The following C12orf42 variants were observed in gnomAD, a reference collection of about 807,000 sequenced individuals.
C12orf42 encodes chromosome 12 open reading frame 42.
C12orf42 carries 25 observed loss-of-function variants against 21.6 expected under a neutral mutation model. The observed-to-expected ratio is 1.16, with a 90% CI of 0.84 to 1.62. C12orf42 has a LOEUF of 1.62. Among genes scored for constraint, C12orf42 ranks in the 40% most tolerant of loss-of-function variants. C12orf42 has a pLI of 0.00. For synonymous variants in C12orf42, 174 were observed against 175.0 expected (o/e 0.99, Z 0.05); for missense variants, 483 against 459.3 (o/e 1.05, Z -0.47).
intron 2 of C12orf42, among the ~76,000 whole-genome samples, chr12:103,403,248 C>T (rs192399764): frequency 0.011 from 1,628 of 151,982 alleles, 11 homozygotes; most frequent in Non-Finnish European, 0.017. Context: ...TGGTGGCGGG[C>T]GCCTGTAGTC....
chr12:103,540,418 T>C, the C12orf42 span, among the ~76,000 whole-genome samples: 1 of 152,046 alleles, frequency 6.6e-6, no homozygotes, highest in Admixed American at 6.5e-5. Flanking sequence ...CCTAGTATGA[T>C]TGTAGATTTG....
intron 10 of C12orf42, among the ~76,000 whole-genome samples, chr12:103,255,033 A>ATTTATTTATTTATTTAT (rs1216771241): frequency 2.0e-5 from 3 of 152,122 alleles, no homozygotes; most frequent in Admixed American, 2.0e-4. Flanking sequence ...ATCAACTTTT[A>ATTTATTTATTTATTTAT]TTATCGTATT....
the C12orf42 span, among the ~76,000 whole-genome samples, chr12:103,063,001 C>T: frequency 3.3e-5 from 5 of 152,082 alleles, no homozygotes; most frequent in African/African-American, 9.7e-5. Context: ...CACTGATAGT[C>T]CTTGGCATGA....
intron 2 of C12orf42, among the ~76,000 whole-genome samples, chr12:103,435,497 C>A (rs1950623251): frequency 6.6e-6 from 1 of 152,070 alleles, no homozygotes; most frequent in African/African-American, 2.4e-5. Context: ...AAGTTGAAAA[C>A]TTTGAAAAAA....
intron 4 of C12orf42, 32 bp from the exon 5 acceptor site, chr12:103,306,377 T>A: frequency 6.5e-7 from 1 of 1,546,154 alleles, no homozygotes; most frequent in Non-Finnish European, 8.7e-7. Flanking sequence ...GTTTGAAAAA[T>A]TCACCAAAAA....
At chr12:103,144,332 G>A in the C12orf42 span, among the ~76,000 whole-genome samples, 5 of 152,176 alleles carry the variant, frequency 3.3e-5, no homozygotes, top group African/African-American at 1.2e-4. Flanking sequence ...GTAAAAGAGT[G>A]CATTTGTAGG....
At chr12:103,492,988 T>G (rs1218781058) in intron 1 of C12orf42, among the ~76,000 whole-genome samples, 5 of 152,186 alleles carry the variant, frequency 3.3e-5, no homozygotes, top group Admixed American at 2.6e-4. Flanking sequence ...AAATCCATCT[T>G]CATTTCCATT....
At chr12:103,121,015 C>A in the C12orf42 span, among the ~76,000 whole-genome samples, 1 of 151,992 alleles carries the variant, frequency 6.6e-6, no homozygotes, top group Non-Finnish European at 1.5e-5. Flanking sequence ...AATTTCTTGG[C>A]ACACCCAATC....
intron 2 of C12orf42, among the ~76,000 whole-genome samples, chr12:103,425,873 C>T (rs1333283540): frequency 6.6e-6 from 1 of 151,948 alleles, no homozygotes. Context: ...CCGTCCAGTT[C>T]CTACTTCCCA....
the C12orf42 span, among the ~76,000 whole-genome samples, chr12:103,090,134 A>G: frequency 6.6e-6 from 1 of 152,174 alleles, no homozygotes; most frequent in Non-Finnish European, 1.5e-5. Flanking sequence ...TTCATTCTCC[A>G]TGACTTGTTT....
At chr12:103,095,653 T>G in the C12orf42 span, among the ~76,000 whole-genome samples, 1 of 152,226 alleles carries the variant, frequency 6.6e-6, no homozygotes, top group African/African-American at 2.4e-5. Flanking sequence ...TATTTTTCTG[T>G]CTTTCCCTGC....
At chr12:103,353,956 A>G (rs2043313973) in intron 4 of C12orf42, among the ~76,000 whole-genome samples, 1 of 152,126 alleles carries the variant, frequency 6.6e-6, no homozygotes, top group East Asian at 1.9e-4. Context: ...GGAATCAGAG[A>G]GAGAGAGTTA....
chr12:103,364,376 C>T (rs1347696947), intron 4 of C12orf42, among the ~76,000 whole-genome samples: 2 of 151,778 alleles, frequency 1.3e-5, no homozygotes, highest in African/African-American at 2.4e-5. Context: ...TCTTACATGC[C>T]TATATCAAAA....
the C12orf42 span, among the ~76,000 whole-genome samples, chr12:103,514,597 G>A: frequency 6.6e-6 from 1 of 152,078 alleles, no homozygotes; most frequent in Non-Finnish European, 1.5e-5. Flanking sequence ...TGAGTAAAGT[G>A]GCACCACTGG....
At chr12:103,111,723 C>T in the C12orf42 span, among the ~76,000 whole-genome samples, 6 of 152,206 alleles carry the variant, frequency 3.9e-5, no homozygotes, top group African/African-American at 1.2e-4. Context: ...AATGCTCACT[C>T]GAAGCACCCT....
chr12:103,344,769 T>C (rs986345372), intron 4 of C12orf42, among the ~76,000 whole-genome samples: 20 of 152,084 alleles, frequency 1.3e-4, no homozygotes, highest in African/African-American at 4.6e-4. Flanking sequence ...ACAGCTAGTC[T>C]ACAGAAAAAG....
chr12:103,295,776 T>C (rs2037228964), intron 4 of C12orf42, among the ~76,000 whole-genome samples: 1 of 152,196 alleles, frequency 6.6e-6, no homozygotes, highest in African/African-American at 2.4e-5. Context: ...ATACCACTCT[T>C]ACTTTTCAAA....
In C12orf42 at chr12:103,355,549, C is replaced by T. The variant is rs3953540; in HGVS notation, c.259+13338G>A. Among the ~76,000 whole-genome samples, 3 of 152,126 alleles carry T rather than the reference C, an allele frequency of 2.0e-5. No individual in the cohort carries two copies. In the South Asian group the frequency reaches 6.2e-4, roughly 32 times the overall value. On this transcript the variant is annotated intron_variant, in intron 4 of 5. Transcript: ENST00000548883. ...GAAGAATATTTTTTAAATGGGAATT[C>T]GATTATCCAGTCTCTTCCTCTACCT...
the C12orf42 span, among the ~76,000 whole-genome samples, chr12:103,544,907 C>T: frequency 6.6e-6 from 1 of 152,142 alleles, no homozygotes; most frequent in Admixed American, 6.5e-5. Context: ...TCAACACGCT[C>T]AACCTGTGCA....
Sources: allele counts gnomAD v4.1 joint callset (sites outside exome capture counted in the v4.1 genomes callset), GRCh38; gene constraint gnomAD v4.1.1; transcripts MANE v1.5; gene names NCBI Gene and HGNC (gene_info 2026-07-23, HGNC 2026-07-21).